FER: variants seen among roughly 807,000 people sequenced by gnomAD.
FER encodes tyrosine-protein kinase Fer.
Under a neutral mutation model 111.0 loss-of-function variants are expected in FER, and 63 were observed. The ratio of observed to expected loss-of-function variants is 0.57; its 90% CI spans 0.46 to 0.70. FER has a LOEUF of 0.70. FER is among the 30% of genes least tolerant of loss of function. FER has a pLI of 0.00. For missense variants in FER, 914 were observed against 954.0 expected (o/e 0.96, Z 0.55); for synonymous variants, 327 against 313.9 (o/e 1.04, Z -0.44).
intron 13 of FER, among the ~76,000 whole-genome samples, chr5:109,035,594 G>A (rs866490680): frequency 5.6e-4 from 86 of 152,262 alleles, no homozygotes; most frequent in African/African-American, 2.0e-3. Flanking sequence ...GCTGCTTCCA[G>A]CATTTTTTGA....
chr5:108,863,876 T>A (rs1763771256), intron 5 of FER, among the ~76,000 whole-genome samples: 1 of 152,202 alleles, frequency 6.6e-6, no homozygotes, highest in Non-Finnish European at 1.5e-5. Context: ...GTCAAAAAGT[T>A]TGAAAAGTAT....
intron 16 of FER, among the ~76,000 whole-genome samples, chr5:109,089,184 A>T (rs1243804820): frequency 6.6e-6 from 1 of 152,210 alleles, no homozygotes; most frequent in Non-Finnish European, 1.5e-5. Flanking sequence ...CTATAAATGT[A>T]TCAGCTTCAT....
intron 17 of FER, among the ~76,000 whole-genome samples, chr5:109,118,541 C>T (rs1158333660): frequency 6.6e-6 from 1 of 152,046 alleles, no homozygotes; most frequent in East Asian, 1.9e-4. Context: ...AGGGAGGATT[C>T]CCTCTTTTTC....
intron 16 of FER, among the ~76,000 whole-genome samples, chr5:109,067,162 C>G (rs559816865): frequency 6.6e-6 from 1 of 152,094 alleles, no homozygotes; most frequent in African/African-American, 2.4e-5. Context: ...CCTTACAGGT[C>G]AGGGTAAGCA....
At chr5:108,848,354 A>T (rs142133217) in intron 5 of FER, among the ~76,000 whole-genome samples, 16 of 152,076 alleles carry the variant, frequency 1.1e-4, no homozygotes, top group African/African-American at 3.6e-4. Flanking sequence ...TTAATCTGTC[A>T]TTTTGCAGTT....
chr5:108,847,950 C>G (rs7734770), intron 5 of FER, among the ~76,000 whole-genome samples: 2,422 of 152,062 alleles, frequency 0.016, 75 homozygotes, highest in African/African-American at 0.056. Flanking sequence ...AGTGGTGGTG[C>G]GATCATAGCT....
At chr5:108,777,323 G>A (rs1753599329) in intron 2 of FER, among the ~76,000 whole-genome samples, 1 of 152,062 alleles carries the variant, frequency 6.6e-6, no homozygotes, top group Admixed American at 6.6e-5. Flanking sequence ...TTGGAGAAAG[G>A]TACAGAGATT....
At chr5:109,126,217 C>T (rs1444044418) in intron 17 of FER, among the ~76,000 whole-genome samples, 3 of 152,172 alleles carry the variant, frequency 2.0e-5, no homozygotes, top group Non-Finnish European at 4.4e-5. Context: ...CTTCCTTTCC[C>T]CCTTCCTTGC....
At chr5:108,858,437 TA>T (rs1294728223) in intron 5 of FER, among the ~76,000 whole-genome samples, 2 of 152,208 alleles carry the variant, frequency 1.3e-5, no homozygotes, top group African/African-American at 4.8e-5. Flanking sequence ...CAAAGTTACT[TA>T]GTTTTTTACA....
chr5:108,950,285 A>T (rs1465153402), intron 11 of FER, among the ~76,000 whole-genome samples: 1 of 152,178 alleles, frequency 6.6e-6, no homozygotes, highest in African/African-American at 2.4e-5. Context: ...CTTTATAGTT[A>T]CTATCCTAGA....
intron 3 of FER, among the ~76,000 whole-genome samples, chr5:108,803,053 G>A (rs1756845754): frequency 1.3e-5 from 2 of 152,066 alleles, no homozygotes; most frequent in Admixed American, 6.6e-5. Flanking sequence ...GGTGTGAGAT[G>A]GTATCTCATT....
chr5:108,896,219 G>C (rs1482608716), intron 9 of FER, among the ~76,000 whole-genome samples: 1 of 151,426 alleles, frequency 6.6e-6, no homozygotes, highest in African/African-American at 2.4e-5. Flanking sequence ...GAAGCTTTAA[G>C]TACATAATGG....
At chr5:109,043,101 T>C (rs934773512) in intron 14 of FER, among the ~76,000 whole-genome samples, 1 of 152,180 alleles carries the variant, frequency 6.6e-6, no homozygotes, top group African/African-American at 2.4e-5. Context: ...AAAAGTATTA[T>C]GGAGGTAGGG....
At chr5:109,076,697 C>A (rs568036964) in intron 16 of FER, among the ~76,000 whole-genome samples, 14 of 152,276 alleles carry the variant, frequency 9.2e-5, no homozygotes, top group African/African-American at 9.6e-5. Flanking sequence ...CTTGACCTCC[C>A]AAAGTGTTGG....
At chr5:108,894,489 G>T (rs1748730750) in intron 9 of FER, 1 of 393,838 alleles carries the variant, frequency 2.5e-6, no homozygotes, top group Non-Finnish European at 5.0e-6. Context: ...ATATTTCTCA[G>T]AGTCTATGAC....
intron 8 of FER, among the ~76,000 whole-genome samples, chr5:108,873,424 C>T (rs1001688217): frequency 2.0e-5 from 3 of 152,226 alleles, no homozygotes; most frequent in African/African-American, 7.2e-5. Flanking sequence ...GGATTACAGG[C>T]GTGAGCCACT....
chr5:108,958,876 A>G (rs1758777175), intron 12 of FER, among the ~76,000 whole-genome samples: 1 of 151,860 alleles, frequency 6.6e-6, no homozygotes, highest in Non-Finnish European at 1.5e-5. Flanking sequence ...TTGTCCAGTA[A>G]CTCAGGTGTA....
At chr5:109,018,320 T>C (rs1767464278) in intron 13 of FER, among the ~76,000 whole-genome samples, 1 of 151,872 alleles carries the variant, frequency 6.6e-6, no homozygotes, top group Admixed American at 6.6e-5. Flanking sequence ...CTTCTGATAA[T>C]TGATTATATA....
intron 13 of FER, among the ~76,000 whole-genome samples, chr5:108,997,044 C>A (rs1409291376): frequency 6.6e-6 from 1 of 151,988 alleles, no homozygotes; most frequent in East Asian, 1.9e-4. Context: ...GGAGTTCACT[C>A]ATGATTTGGC....
Sources: allele counts gnomAD v4.1 joint callset (sites outside exome capture counted in the v4.1 genomes callset), GRCh38; gene constraint gnomAD v4.1.1; transcripts MANE v1.5; gene names NCBI Gene and HGNC (gene_info 2026-07-23, HGNC 2026-07-21).